The following ANO3 variants were observed in gnomAD, a reference collection of about 807,000 sequenced individuals.
ANO3 encodes the protein anoctamin-3.
In ANO3, 99 loss-of-function variants were observed where a neutral mutation model predicts 144.8. The observed-to-expected ratio is 0.68, with a 90% confidence interval of 0.58 to 0.81. The LOEUF (loss-of-function observed/expected upper bound fraction) is 0.81. Ranked by LOEUF, ANO3 falls within the 30% of genes least tolerant of loss-of-function variation. ANO3 has a pLI of 0.00. For missense variants in ANO3, 905 were observed against 1,202.2 expected (o/e 0.75, Z 3.66); for synonymous variants, 414 against 392.6 (o/e 1.05, Z -0.64).
intron 1 of ANO3, among the ~76,000 whole-genome samples, chr11:26,247,547 C>G (rs1852824873): frequency 6.6e-6 from 1 of 152,098 alleles, no homozygotes. Flanking sequence ...AACCAGAAGA[C>G]AGGCCACTTG....
At chr11:26,282,311 T>G (rs1189694507) in intron 1 of ANO3, among the ~76,000 whole-genome samples, 4 of 106,974 alleles carry the variant, frequency 3.7e-5, no homozygotes, top group South Asian at 2.6e-4. Context: ...ATTTTTTTTG[T>G]TTTTTTTTTT....
At chr11:26,597,328 A>G (rs1372489409) in intron 14 of ANO3, among the ~76,000 whole-genome samples, 1 of 152,194 alleles carries the variant, frequency 6.6e-6, no homozygotes, top group Non-Finnish European at 1.5e-5. Context: ...TAGCTCTATT[A>G]GAAGCCATGG....
At chr11:26,204,006 G>A (rs577423045) in intron 1 of ANO3, among the ~76,000 whole-genome samples, 2 of 152,236 alleles carry the variant, frequency 1.3e-5, no homozygotes, top group South Asian at 2.1e-4. Context: ...GAGGATGAGA[G>A]GAAGAACATA....
intron 1 of ANO3, among the ~76,000 whole-genome samples, chr11:26,391,605 G>A (rs1176365807): frequency 6.6e-6 from 1 of 152,066 alleles, no homozygotes; most frequent in Non-Finnish European, 1.5e-5. Context: ...CCCTTTCTCT[G>A]TGGGAAGTGT....
chr11:26,618,561 G>C (rs972566403), intron 17 of ANO3, among the ~76,000 whole-genome samples: 1 of 152,156 alleles, frequency 6.6e-6, no homozygotes, highest in Non-Finnish European at 1.5e-5. Flanking sequence ...GCTTGAGGCT[G>C]TTTAATGGGT....
At chr11:26,544,281 T>TATATATATATATAC (rs1849729404) in intron 11 of ANO3, among the ~76,000 whole-genome samples, 8 of 86,980 alleles carry the variant, frequency 9.2e-5, no homozygotes, top group African/African-American at 3.2e-4. Context: ...TATACACACA[T>TATATATATATATAC]ACACACACAC....
At chr11:26,517,795 T>C (rs937756152) in intron 6 of ANO3, among the ~76,000 whole-genome samples, 1 of 152,066 alleles carries the variant, frequency 6.6e-6, no homozygotes, top group Admixed American at 6.6e-5. Flanking sequence ...TTCTCAAATA[T>C]TGTGACAAGC....
intron 3 of ANO3, among the ~76,000 whole-genome samples, chr11:26,456,723 G>A (rs375240374): frequency 0.013 from 1,548 of 120,046 alleles, 21 homozygotes; most frequent in Non-Finnish European, 0.02. Context: ...TCCCATTACT[G>A]GGTATATACC....
chr11:26,413,516 C>T (rs1279526733), intron 1 of ANO3, among the ~76,000 whole-genome samples: 1 of 151,826 alleles, frequency 6.6e-6, no homozygotes, highest in African/African-American at 2.4e-5. Context: ...TATTTCAACC[C>T]ATATGTAGAA....
intron 1 of ANO3, among the ~76,000 whole-genome samples, chr11:26,423,574 G>T (rs567037264): frequency 6.6e-6 from 1 of 151,548 alleles, no homozygotes. Flanking sequence ...AAAGATCAAC[G>T]TAAGAAATAC....
chr11:26,226,009 A>G (rs189067851), intron 1 of ANO3, among the ~76,000 whole-genome samples: 1 of 152,228 alleles, frequency 6.6e-6, no homozygotes, highest in East Asian at 1.9e-4. Context: ...CCTGTTAAGT[A>G]CCCCAAGGAG....
chr11:26,233,344 T>C (rs12223119), intron 1 of ANO3, among the ~76,000 whole-genome samples: 2,302 of 152,106 alleles, frequency 0.015, 47 homozygotes, highest in East Asian at 0.12. Flanking sequence ...TGAAAAAAAG[T>C]TCATCATCAC....
At chr11:26,303,243 G>T (rs978511877) in intron 1 of ANO3, among the ~76,000 whole-genome samples, 5 of 152,190 alleles carry the variant, frequency 3.3e-5, no homozygotes, top group Middle Eastern at 3.4e-3. Flanking sequence ...GCATGCAGTT[G>T]TATGTTCATC....
chr11:26,639,034 T>G, intron 20 of ANO3, 110 bp from the exon 21 acceptor site: 31 of 682,080 alleles, frequency 4.5e-5, no homozygotes, highest in Non-Finnish European at 6.0e-5. Flanking sequence ...TCTTTATGCA[T>G]GAGATGGTGT....
chr11:26,549,564 G>A (rs1849876760), intron 12 of ANO3, among the ~76,000 whole-genome samples: 1 of 151,908 alleles, frequency 6.6e-6, no homozygotes, highest in Admixed American at 6.6e-5. Flanking sequence ...GTTTCTACAA[G>A]TTATGTCCAA....
chr11:26,379,238 G>C (rs1856512112), intron 1 of ANO3, among the ~76,000 whole-genome samples: 1 of 152,148 alleles, frequency 6.6e-6, no homozygotes, highest in South Asian at 2.1e-4. Context: ...AAAGATCAAA[G>C]ATGTAGGTGG....
chr11:26,460,776 A>G (rs1368569259), intron 3 of ANO3, among the ~76,000 whole-genome samples: 1 of 152,082 alleles, frequency 6.6e-6, no homozygotes, highest in Admixed American at 6.6e-5. Flanking sequence ...TGAGTAATGA[A>G]CTTCTATAGG....
intron 3 of ANO3, among the ~76,000 whole-genome samples, chr11:26,445,872 C>T (rs1207167708): frequency 6.6e-6 from 1 of 151,880 alleles, no homozygotes; most frequent in Non-Finnish European, 1.5e-5. Flanking sequence ...TTCTCTCTTG[C>T]GCAGGCTGGA....
At chr11:26,384,399 G>A (rs547184005) in intron 1 of ANO3, among the ~76,000 whole-genome samples, 25 of 152,244 alleles carry the variant, frequency 1.6e-4, no homozygotes, top group Admixed American at 6.5e-4. Flanking sequence ...GGAGAAGTCT[G>A]CAAGAATCAT....
Sources: gnomAD v4.1 joint callset for allele counts (sites outside exome capture counted in the v4.1 genomes callset) on GRCh38, gnomAD v4.1.1 for gene constraint, MANE v1.5 for transcripts, NCBI Gene and HGNC (gene_info 2026-07-23, HGNC 2026-07-21) for gene names.